CNTNAP2: variants seen among roughly 807,000 people sequenced by gnomAD.
The protein encoded by CNTNAP2 is contactin-associated protein-like 2.
CNTNAP2 carries 98 observed loss-of-function variants against 155.2 expected under a neutral mutation model. The observed-to-expected ratio is 0.63, with a 90% CI of 0.54 to 0.75. CNTNAP2 has a LOEUF of 0.75. Among genes scored for constraint, CNTNAP2 ranks in the 30% least tolerant of loss-of-function variants. CNTNAP2 has a pLI of 0.00. For missense variants in CNTNAP2, 1,727 were observed against 1,688.1 expected (o/e 1.02, Z -0.40); for synonymous variants, 651 against 631.2 (o/e 1.03, Z -0.47).
chr7:146,639,526 G>A (rs1799669351), intron 1 of CNTNAP2, among the ~76,000 whole-genome samples: 1 of 152,194 alleles, frequency 6.6e-6, no homozygotes. Flanking sequence ...TTGCTTGAGT[G>A]TAAAATATAT....
chr7:148,126,165 T>G (rs1392013278), intron 16 of CNTNAP2, among the ~76,000 whole-genome samples: 1 of 152,030 alleles, frequency 6.6e-6, no homozygotes, highest in East Asian at 1.9e-4. Flanking sequence ...AAAAGGAAGT[T>G]TCAGGTTTAG....
rs111592628 is a variant in CNTNAP2, at chr7:147,874,848, T to C, written c.2099-28717T>C. ...TCGTTCTGCCAGATACCCTAAATTA[T>C]CTCACTCAAGTTCAAAGTTCCGCAG... On this transcript the variant is annotated intron_variant, in intron 13 of 23. Coordinates refer to ENST00000361727, the MANE Select transcript of CNTNAP2 (RefSeq NM_014141.6). Among the ~76,000 whole-genome samples the C allele has an allele frequency of 7.1e-3, 1,081 of 152,304 alleles. 8 individuals carry two copies. The highest frequency in any genetic ancestry group is 0.011 in the Non-Finnish European group (731 of 68,022).
At chr7:147,937,036 T>A (rs1011721573) in intron 14 of CNTNAP2, among the ~76,000 whole-genome samples, 2 of 142,894 alleles carry the variant, frequency 1.4e-5, no homozygotes, top group African/African-American at 2.5e-5. Context: ...CAAGAGACCC[T>A]CACCCCCTCA....
At chr7:147,064,182 A>AT (rs1799736726) in intron 4 of CNTNAP2, among the ~76,000 whole-genome samples, 1 of 151,698 alleles carries the variant, frequency 6.6e-6, no homozygotes, top group Non-Finnish European at 1.5e-5. Flanking sequence ...TTAATGTGTC[A>AT]TTTTAATTTT....
At chr7:146,721,450 CTA>C (rs1563203601) in intron 1 of CNTNAP2, among the ~76,000 whole-genome samples, 1 of 119,686 alleles carries the variant, frequency 8.4e-6, no homozygotes, top group Non-Finnish European at 1.6e-5. Context: ...TATATACATT[CTA>C]TATACATTTT....
chr7:146,688,729 T>C (rs531494418), intron 1 of CNTNAP2, among the ~76,000 whole-genome samples: 1 of 152,280 alleles, frequency 6.6e-6, no homozygotes, highest in Admixed American at 6.5e-5. Flanking sequence ...GGTCACGGGA[T>C]ATGATGGCTT....
At chr7:146,712,811 C>T (rs1425750253) in intron 1 of CNTNAP2, among the ~76,000 whole-genome samples, 2 of 151,912 alleles carry the variant, frequency 1.3e-5, no homozygotes, top group Non-Finnish European at 2.9e-5. Context: ...CTTTCTGTTA[C>T]TCAATTCAAA....
intron 1 of CNTNAP2, among the ~76,000 whole-genome samples, chr7:146,615,352 C>A (rs917197866): frequency 3.3e-5 from 5 of 152,066 alleles, no homozygotes; most frequent in Non-Finnish European, 7.4e-5. Flanking sequence ...GGAATTTGAC[C>A]CATTGGACTC....
intron 13 of CNTNAP2, among the ~76,000 whole-genome samples, chr7:147,642,243 A>C (rs1440905591): frequency 2.0e-5 from 3 of 152,098 alleles, no homozygotes; most frequent in Non-Finnish European, 4.4e-5. Context: ...GACCAGCAAA[A>C]GAACCTTGGT....
intron 1 of CNTNAP2, among the ~76,000 whole-genome samples, chr7:146,287,400 G>T (rs1353177503): frequency 1.3e-5 from 2 of 152,178 alleles, no homozygotes; most frequent in African/African-American, 4.8e-5. Context: ...CTGAGAGGCA[G>T]ATAAGCCTTC....
At chr7:146,226,253 A>G (rs1157959401) in intron 1 of CNTNAP2, among the ~76,000 whole-genome samples, 1 of 152,222 alleles carries the variant, frequency 6.6e-6, no homozygotes, top group East Asian at 1.9e-4. Flanking sequence ...GTGAAATAGG[A>G]GAAATACTTT....
In CNTNAP2 at chr7:146,329,858, G is replaced by GACA. The variant is rs1448969451; in HGVS notation, c.97+212886_97+212887insCAA. Among the ~76,000 whole-genome samples, 19 of 151,974 alleles carry GACA rather than the reference G, an allele frequency of 1.3e-4. No individual in the cohort carries two copies. The East Asian group carries it at 3.3e-3, about 26-fold the overall frequency. ...CTTCCCTGCTCAAGCATTATATAACGAGTCTTCACTACCTACTGCATCAAA... is the reference window on the plus strand; with the variant it reads ...CTTCCCTGCTCAAGCATTATATAACGACAAGTCTTCACTACCTACTGCATCAAA... On this transcript the variant is annotated intron_variant, in intron 1 of 23. Coordinates refer to ENST00000361727, the MANE Select transcript of CNTNAP2 (RefSeq NM_014141.6).
intron 11 of CNTNAP2, among the ~76,000 whole-genome samples, chr7:147,495,703 C>T (rs1206390435): frequency 6.6e-6 from 1 of 152,166 alleles, no homozygotes; most frequent in Non-Finnish European, 1.5e-5. Context: ...TTTTTCAGCA[C>T]CGCTGTAACA....
In CNTNAP2 at chr7:148,241,371, T is replaced by C. The variant is rs529719634; in HGVS notation, c.3381+11592T>C. The stretch of plus-strand genomic sequence containing the variant: ...TCTTTGGGACTATGGTTTCTTTCCA[T>C]TGATTTGTAGTTCAACCCATTAAGC... On this transcript the variant is annotated intron_variant, in intron 20 of 23. Transcript: ENST00000361727. 3.9e-5 allele frequency among the ~76,000 whole-genome samples: 6 copies of C among 152,350 alleles called. No individual in the cohort carries two copies. The South Asian group carries it at 8.3e-4, about 21-fold the overall frequency.
chr7:148,044,316 A>G (rs975386848), intron 15 of CNTNAP2, among the ~76,000 whole-genome samples: 10 of 150,624 alleles, frequency 6.6e-5, no homozygotes, highest in Admixed American at 2.0e-4. Flanking sequence ...TTAACTGGAT[A>G]CTTCTTTATC....
At chr7:146,316,837 A>G (rs1268126062) in intron 1 of CNTNAP2, among the ~76,000 whole-genome samples, 2 of 151,898 alleles carry the variant, frequency 1.3e-5, no homozygotes, top group Non-Finnish European at 2.9e-5. Flanking sequence ...TCCAAGAGCT[A>G]TCACTCTATC....
At chr7:146,487,271 T>G (rs1797071339) in intron 1 of CNTNAP2, among the ~76,000 whole-genome samples, 1 of 152,230 alleles carries the variant, frequency 6.6e-6, no homozygotes, top group South Asian at 2.1e-4. Flanking sequence ...GTTATACTAA[T>G]GCCCAGTTGA....
At chr7:148,127,587 G>A (rs530952072) in intron 16 of CNTNAP2, among the ~76,000 whole-genome samples, 1 of 152,266 alleles carries the variant, frequency 6.6e-6, no homozygotes, top group South Asian at 2.1e-4. Flanking sequence ...TCAAGATGCA[G>A]CCTTATGCAA....
chr7:148,201,746 T>C (rs1469904767), intron 18 of CNTNAP2, among the ~76,000 whole-genome samples: 1 of 151,992 alleles, frequency 6.6e-6, no homozygotes, highest in Non-Finnish European at 1.5e-5. Flanking sequence ...TGGTCACTAT[T>C]ATTTCCAAAC....
Sources: allele counts gnomAD v4.1 joint callset (sites outside exome capture counted in the v4.1 genomes callset), GRCh38; gene constraint gnomAD v4.1.1; transcripts MANE v1.5; gene names NCBI Gene and HGNC (gene_info 2026-07-23, HGNC 2026-07-21).